The following GRM5 variants were observed in gnomAD, a reference collection of about 807,000 sequenced individuals.
The protein encoded by GRM5 is metabotropic glutamate receptor 5.
A neutral mutation model predicts 83.1 loss-of-function variants in GRM5; 19 were observed. The observed-to-expected ratio is 0.23, with a 90% CI of 0.16 to 0.34. The LOEUF (loss-of-function observed/expected upper bound fraction) is 0.34. GRM5 is among the 10% of genes least tolerant of loss of function. GRM5 has a pLI of 1.00. For missense variants in GRM5, 1,160 were observed against 1,588.3 expected, an observed-to-expected ratio of 0.73 and a Z score of 4.58; for synonymous variants, 675 against 633.6, an observed-to-expected ratio of 1.07 and a Z score of -0.98.
intron 3 of GRM5, among the ~76,000 whole-genome samples, chr11:88,770,927 T>C (rs923691562): frequency 5.9e-5 from 9 of 152,124 alleles, no homozygotes; most frequent in African/African-American, 1.4e-4. Context: ...TATGACCATA[T>C]TGCCACTCAG....
At chr11:88,618,242 A>T (rs1785479981) in intron 4 of GRM5, among the ~76,000 whole-genome samples, 1 of 152,236 alleles carries the variant, frequency 6.6e-6, no homozygotes, top group South Asian at 2.1e-4. Flanking sequence ...AGATTTAAAC[A>T]GCACCCAAGA....
intron 2 of GRM5, among the ~76,000 whole-genome samples, chr11:88,939,370 C>T (rs534277622): frequency 2.6e-5 from 4 of 151,602 alleles, no homozygotes; most frequent in Non-Finnish European, 5.9e-5. Context: ...TCATGAAACC[C>T]AAACATACCA....
At chr11:88,966,439 C>G (rs1302416283) in intron 2 of GRM5, among the ~76,000 whole-genome samples, 1 of 152,000 alleles carries the variant, frequency 6.6e-6, no homozygotes. Flanking sequence ...AAATAAAACT[C>G]TAGTCATACT....
chr11:88,642,299 G>T (rs1939316632), intron 4 of GRM5, among the ~76,000 whole-genome samples: 1 of 152,132 alleles, frequency 6.6e-6, no homozygotes. Context: ...GGGCAGCAGG[G>T]TCCTGGACCA....
At chr11:88,834,260 CA>C (rs1430342979) in intron 3 of GRM5, among the ~76,000 whole-genome samples, 3 of 151,836 alleles carry the variant, frequency 2.0e-5, no homozygotes, top group African/African-American at 7.3e-5. Flanking sequence ...GTATCCATGA[CA>C]AAAGCAATTT....
chr11:89,047,912 G>A lies in GRM5; in HGVS notation c.-40C>T, dbSNP rs1941678046. The A allele has an allele frequency of 6.5e-7, 1 of 1,539,626 alleles. No homozygotes were observed. The highest frequency in any genetic ancestry group is 8.9e-7 in the Non-Finnish European group (1 of 1,118,586). On this transcript the variant is annotated 5_prime_UTR_variant, in exon 2 of 10. Coordinates refer to ENST00000305447, the MANE Select transcript of GRM5 (RefSeq NM_001143831.3). This position sits in a 1 kb window ranked among gnomAD's most constrained non-coding sequence, Gnocchi z 5.1. ...TCAAGCCAATAAAGATAGCATGGTG[G>A]GGAAAATTCAGGAGGGTTCTGATAG... is the stretch of plus-strand genomic sequence containing the variant.
chr11:88,940,438 G>T, intron 2 of GRM5, among the ~76,000 whole-genome samples: 1 of 149,466 alleles, frequency 6.7e-6, no homozygotes, highest in Non-Finnish European at 1.5e-5. Context: ...TTTTTAATGG[G>T]AATGGTGATG....
chr11:88,622,244 A>C (rs1432884178), intron 4 of GRM5, among the ~76,000 whole-genome samples: 1 of 152,206 alleles, frequency 6.6e-6, no homozygotes, highest in Non-Finnish European at 1.5e-5. Context: ...TGTAGCCCTC[A>C]CAGCAAACAC....
chr11:88,595,783 A>G (rs1263450311), intron 6 of GRM5, among the ~76,000 whole-genome samples: 1 of 152,070 alleles, frequency 6.6e-6, no homozygotes, highest in African/African-American at 2.4e-5. Flanking sequence ...CTTATGTGAC[A>G]GTGTGCTCTC....
intron 2 of GRM5, among the ~76,000 whole-genome samples, chr11:88,988,212 T>A (rs1188374811): frequency 6.6e-5 from 10 of 151,960 alleles, no homozygotes; most frequent in African/African-American, 2.4e-4. Context: ...ACGCGAAGAA[T>A]GCAGAAGCCT....
intron 3 of GRM5, among the ~76,000 whole-genome samples, chr11:88,705,271 G>C (rs995409459): frequency 2.6e-5 from 4 of 151,904 alleles, no homozygotes; most frequent in African/African-American, 9.7e-5. Context: ...GCACTCCCAG[G>C]GACCCTTACT....
At chr11:89,043,889 T>C (rs771436504) in intron 2 of GRM5, among the ~76,000 whole-genome samples, 17 of 152,220 alleles carry the variant, frequency 1.1e-4, no homozygotes, top group Non-Finnish European at 2.1e-4. Flanking sequence ...AGGGTGACAA[T>C]AGGGTTCCAA....
intron 8 of GRM5, among the ~76,000 whole-genome samples, chr11:88,538,700 T>G (rs1003625852): frequency 4.6e-5 from 7 of 152,230 alleles, no homozygotes; most frequent in Non-Finnish European, 1.0e-4. Context: ...TACTGAGCAC[T>G]TGGAATGTTC....
chr11:88,776,199 CTTCT>C (rs1178023782), intron 3 of GRM5, among the ~76,000 whole-genome samples: 1 of 152,086 alleles, frequency 6.6e-6, no homozygotes, highest in Non-Finnish European at 1.5e-5. Context: ...ATGTAATGGC[CTTCT>C]TTGTCTCCTT....
At chr11:88,776,496 T>C (rs1942852738) in intron 3 of GRM5, among the ~76,000 whole-genome samples, 1 of 152,186 alleles carries the variant, frequency 6.6e-6, no homozygotes, top group Non-Finnish European at 1.5e-5. Context: ...CTAGCTGGTT[T>C]ATTTTGCCCA....
Position 88,903,843 on chromosome 11 carries a change from C to T in GRM5, c.662-53688G>A, listed in dbSNP as rs566851216. 1.4e-4 allele frequency among the ~76,000 whole-genome samples: 21 copies of T among 152,186 alleles called. No homozygotes were observed. The South Asian group carries it at 2.1e-3, about 15-fold the overall frequency. ...AACACCCTAAAAGATCTGACTTTAC[C>T]GCTGTGCAATTTAGGGATATAACAA... On this transcript the variant is annotated intron_variant, in intron 2 of 9. Transcript: ENST00000305447.
At chr11:88,694,514 G>A (rs978605310) in intron 3 of GRM5, among the ~76,000 whole-genome samples, 4 of 151,798 alleles carry the variant, frequency 2.6e-5, no homozygotes, top group African/African-American at 9.7e-5. Flanking sequence ...AGAACAGCAG[G>A]CATAACTTCA....
rs551087493 is a variant in GRM5, at chr11:88,589,292, G to T, written c.1690+1309C>A. ...ATCTATTCAACAAAATTTATTTAAG[G>T]CTTTGTGTTTAGAACTGGGGAAAAC... On this transcript the variant is annotated intron_variant, in intron 7 of 9. Coordinates refer to ENST00000305447, the MANE Select transcript of GRM5 (RefSeq NM_001143831.3). Among the ~76,000 whole-genome samples, 33 of 152,162 alleles carry T rather than the reference G, an allele frequency of 2.2e-4. No homozygotes were observed. The South Asian group carries it at 4.8e-3, about 22-fold the overall frequency.
intron 2 of GRM5, among the ~76,000 whole-genome samples, chr11:88,921,231 T>C (rs1346654404): frequency 6.6e-6 from 1 of 152,174 alleles, no homozygotes; most frequent in African/African-American, 2.4e-5. Context: ...TGATACATCA[T>C]ATCAACAGAA....
Sources: gnomAD v4.1 joint callset for allele counts (sites outside exome capture counted in the v4.1 genomes callset) on GRCh38, gnomAD v4.1.1 for gene constraint, Gnocchi (gnomAD v3.1) non-coding constraint, MANE v1.5 for transcripts, NCBI Gene and HGNC (gene_info 2026-07-23, HGNC 2026-07-21) for gene names.